The following DCC variants were observed in gnomAD, a reference collection of about 807,000 sequenced individuals.
The protein encoded by DCC is DCC netrin 1 receptor, also known as netrin receptor DCC.
In DCC, 58 loss-of-function variants were observed where a neutral mutation model predicts 172.5. The ratio of observed to expected loss-of-function variants is 0.34; its 90% CI spans 0.27 to 0.42. DCC has a LOEUF of 0.42. DCC is among the 10% of genes least tolerant of loss of function. DCC has a pLI of 1.00. For synonymous variants in DCC, 709 were observed against 644.5 expected (o/e 1.10, Z -1.52); for missense variants, 1,740 against 1,791.0 (o/e 0.97, Z 0.51).
At chr18:52,869,034 G>A (rs2039274263) in intron 2 of DCC, among the ~76,000 whole-genome samples, 1 of 152,244 alleles carries the variant, frequency 6.6e-6, no homozygotes, top group Non-Finnish European at 1.5e-5. Context: ...GGGAGATACA[G>A]CCCTGGCTCT....
chr18:52,634,473 C>A (rs2034735231), intron 1 of DCC, among the ~76,000 whole-genome samples: 1 of 152,100 alleles, frequency 6.6e-6, no homozygotes, highest in Non-Finnish European at 1.5e-5. Context: ...TACATCATAT[C>A]ATGGGGAAGT....
intron 5 of DCC, among the ~76,000 whole-genome samples, chr18:52,945,239 CCTTT>C (rs1462093615): frequency 2.6e-5 from 4 of 152,070 alleles, no homozygotes; most frequent in South Asian, 2.1e-4. Flanking sequence ...AGAAAAAATA[CCTTT>C]CTAAGATTTA....
At chr18:53,344,936 T>A (rs77602226) in intron 15 of DCC, among the ~76,000 whole-genome samples, 1 of 148,638 alleles carries the variant, frequency 6.7e-6, no homozygotes, top group Non-Finnish European at 1.5e-5. Context: ...TTATAAGAGA[T>A]CAGCTGACTT....
intron 12 of DCC, among the ~76,000 whole-genome samples, chr18:53,272,329 A>C (rs934981556): frequency 6.6e-6 from 1 of 152,270 alleles, no homozygotes; most frequent in South Asian, 2.1e-4. Context: ...ATTTGAGAAA[A>C]CAACAGAATA....
In DCC at chr18:53,205,248, G is replaced by A. The variant is rs1345556064; in HGVS notation, c.1606G>A (p.Ala536Thr). 1 of 1,613,328 alleles carries A rather than the reference G, an allele frequency of 6.2e-7. No individual in the cohort carries two copies. Among genetic ancestry groups the A allele is most frequent in the Non-Finnish European group, 8.5e-7 (1 of 1,179,410 alleles). ...QVPGPVENLQAVSTSPTSILI... is the reference protein window; with the variant it reads ...QVPGPVENLQTVSTSPTSILI... Reference sequence around the variant, plus strand: ...TCCAGGGCCAGTAGAAAACCTGCAAGCTGTATCTACCTCACCTACCTCAAT... The same window carrying A: ...TCCAGGGCCAGTAGAAAACCTGCAAACTGTATCTACCTCACCTACCTCAAT... Residue 536 changes from alanine to threonine, a missense_variant, in exon 10 of 29, where the codon GCT becomes ACT. This residue lies in a region of DCC where 1,732 missense variants were observed against 1,767.4 expected (regional missense o/e 0.98). Transcript: ENST00000442544.
rs770131833 is a variant in DCC, at chr18:53,391,834, C to A, written c.2635C>A (p.Arg879=). Residue 879 remains arginine, a synonymous_variant, in exon 17 of 29, where the codon CGA becomes AGA. Coordinates refer to ENST00000442544, the MANE Select transcript of DCC (RefSeq NM_005215.4). The stretch of plus-strand genomic sequence containing the variant: ...TAAGAACCAAAAGACGTCTGAGGTG[C>A]GACTTTACACCGTCCGGTGGAGAAC... ...VPKNQKTSEV[R]LYTVRWRTSF... 18 of 1,613,598 alleles carry A rather than the reference C, an allele frequency of 1.1e-5. No individual in the cohort carries two copies. Among genetic ancestry groups the A allele is most frequent in the African/African-American group, 6.7e-5 (5 of 74,878 alleles).
chr18:52,465,031 C>G (rs2144547612), intron 1 of DCC, among the ~76,000 whole-genome samples: 1 of 152,140 alleles, frequency 6.6e-6, no homozygotes, highest in South Asian at 2.1e-4. Context: ...TTCTTTAGGG[C>G]TAGGTTGAAC....
In DCC at chr18:53,267,634, A is replaced by G. The variant is rs149165387; in HGVS notation, c.1912-37944A>G. 1.9e-4 allele frequency among the ~76,000 whole-genome samples: 29 copies of G among 152,044 alleles called. No individual in the cohort carries two copies. In the South Asian group the frequency reaches 4.8e-3, roughly 25 times the overall value. On this transcript the variant is annotated intron_variant, in intron 12 of 28. Coordinates refer to ENST00000442544, the MANE Select transcript of DCC (RefSeq NM_005215.4). ...TAATCATGCCCAACTAATTTTTTTT[A>G]GTTTTATTTTTTGTACAGACGGGGT...
rs1033246613 is a variant in DCC, at chr18:52,893,904, A to G, written c.413-12140A>G. 5.7e-5 allele frequency among the ~76,000 whole-genome samples: 7 copies of G among 123,474 alleles called. No individual in the cohort carries two copies. The South Asian group carries it at 6.7e-4, about 12-fold the overall frequency. 81.0% of individuals were successfully genotyped at this position (123,474 alleles called of 152,430 possible). ...CAAAACACACAAGGCTTATAATACA[A>G]TTTAAAAAAAACAGTATCAGGCTCT... On this transcript the variant is annotated intron_variant, in intron 2 of 28. Coordinates refer to ENST00000442544, the MANE Select transcript of DCC (RefSeq NM_005215.4).
intron 2 of DCC, among the ~76,000 whole-genome samples, chr18:52,824,581 G>A (rs528508383): frequency 2.0e-5 from 3 of 152,132 alleles, no homozygotes; most frequent in African/African-American, 7.2e-5. Context: ...ACATTGAGAG[G>A]GGAAGGAAGA....
intron 5 of DCC, among the ~76,000 whole-genome samples, chr18:53,011,877 T>A (rs1455428136): frequency 6.6e-6 from 1 of 151,824 alleles, no homozygotes; most frequent in South Asian, 2.1e-4. Flanking sequence ...GCTATAACTT[T>A]ATAAATACGT....
In DCC at chr18:52,453,005, G is replaced by A. The variant is rs144709698; in HGVS notation, c.91+112127G>A. On this transcript the variant is annotated intron_variant, in intron 1 of 28. Transcript: ENST00000442544. ...CAATGGTGGCCCAATTTTGGGTGCA[G>A]CACTGTGTGTGCATGTGCCCAGCGA... is the stretch of plus-strand genomic sequence containing the variant. 8.6e-3 allele frequency among the ~76,000 whole-genome samples: 1,309 copies of A among 152,332 alleles called. 11 individuals are homozygous for A. Among genetic ancestry groups the A allele is most frequent in the Admixed American group, 0.011 (172 of 15,298 alleles).
At chr18:53,509,905 G>T (rs760169498) in intron 27 of DCC, among the ~76,000 whole-genome samples, 1 of 152,174 alleles carries the variant, frequency 6.6e-6, no homozygotes, top group Non-Finnish European at 1.5e-5. Flanking sequence ...CTACTCAAAT[G>T]AAACTCTGCA....
intron 2 of DCC, among the ~76,000 whole-genome samples, chr18:52,862,076 A>G (rs993505689): frequency 2.6e-4 from 40 of 152,318 alleles, no homozygotes; most frequent in Middle Eastern, 3.4e-3. Flanking sequence ...AATCTCATAC[A>G]GTATTAGAAC....
intron 1 of DCC, among the ~76,000 whole-genome samples, chr18:52,737,935 A>G (rs2036754141): frequency 6.6e-6 from 1 of 152,170 alleles, no homozygotes; most frequent in Non-Finnish European, 1.5e-5. Context: ...AATCAGCAGT[A>G]TCACCTCAGA....
chr18:52,350,895 T>C (rs2144243747), intron 1 of DCC, among the ~76,000 whole-genome samples: 1 of 152,280 alleles, frequency 6.6e-6, no homozygotes, highest in East Asian at 1.9e-4. Flanking sequence ...CGTGACCCTT[T>C]CTTCCCATAT....
At chr18:53,111,994 A>C (rs2043339962) in intron 7 of DCC, among the ~76,000 whole-genome samples, 1 of 151,512 alleles carries the variant, frequency 6.6e-6, no homozygotes, top group African/African-American at 2.4e-5. Context: ...CGTGGCCTGA[A>C]TGTTGATCTG....
At chr18:53,144,325 C>T (rs1008921077) in intron 7 of DCC, among the ~76,000 whole-genome samples, 4 of 152,082 alleles carry the variant, frequency 2.6e-5, no homozygotes, top group African/African-American at 9.7e-5. Flanking sequence ...GTGTATTAGT[C>T]TGTTCTCATG....
At chr18:52,366,110 G>C (rs1341518429) in intron 1 of DCC, among the ~76,000 whole-genome samples, 1 of 151,978 alleles carries the variant, frequency 6.6e-6, no homozygotes, top group Non-Finnish European at 1.5e-5. Flanking sequence ...GGAGAAGAGA[G>C]AGATTTTAGC....
Sources: allele counts gnomAD v4.1 joint callset (sites outside exome capture counted in the v4.1 genomes callset), GRCh38; gene constraint gnomAD v4.1.1; regional missense constraint gnomAD v4.1.1; transcripts MANE v1.5; gene names NCBI Gene and HGNC (gene_info 2026-07-23, HGNC 2026-07-21).